The following CAMK1D variants were observed in gnomAD, a reference collection of about 807,000 sequenced individuals.
CAMK1D encodes the protein calcium/calmodulin-dependent protein kinase type 1D.
In CAMK1D, 9 loss-of-function variants were observed where a neutral mutation model predicts 47.7. The observed-to-expected ratio is 0.19, with a 90% CI of 0.11 to 0.33. CAMK1D has a LOEUF of 0.33. CAMK1D is among the 10% of genes least tolerant of loss of function. The pLI, the probability that CAMK1D is intolerant of heterozygous loss-of-function variation, is 1.00. For synonymous variants in CAMK1D, 184 were observed against 184.9 expected (o/e 0.99, Z 0.04); for missense variants, 291 against 488.7 (o/e 0.60, Z 3.81).
At chr10:12,437,837 C>T (rs1055159487) in intron 1 of CAMK1D, among the ~76,000 whole-genome samples, 1 of 152,218 alleles carries the variant, frequency 6.6e-6, no homozygotes, top group Non-Finnish European at 1.5e-5. Flanking sequence ...CTGTCTCCAA[C>T]CCCTGGCAAT....
chr10:12,734,344 AAATATAT>A (rs1835039707), intron 3 of CAMK1D, among the ~76,000 whole-genome samples: 29 of 7,020 alleles, frequency 4.1e-3, no homozygotes, highest in Admixed American at 0.015. Context: ...AAAAAAAAAA[AAATATAT>A]ATATATATAT....
intron 1 of CAMK1D, among the ~76,000 whole-genome samples, chr10:12,488,567 T>C (rs915206022): frequency 1.3e-5 from 2 of 152,176 alleles, no homozygotes; most frequent in African/African-American, 4.8e-5. Flanking sequence ...TGACATTTAT[T>C]GTGCACTTTA....
chr10:12,650,140 G>C (rs561966592), intron 2 of CAMK1D, among the ~76,000 whole-genome samples: 2 of 152,224 alleles, frequency 1.3e-5, no homozygotes. Context: ...AGGGGCTGCC[G>C]ACCACGTGAG....
At chr10:12,355,750 C>T (rs964907324) in intron 1 of CAMK1D, among the ~76,000 whole-genome samples, 10 of 152,128 alleles carry the variant, frequency 6.6e-5, no homozygotes, top group African/African-American at 2.4e-4. Flanking sequence ...AATTCAGCCT[C>T]TCATACATTT....
chr10:12,529,065 T>C (rs750652794), intron 1 of CAMK1D, among the ~76,000 whole-genome samples: 3 of 152,102 alleles, frequency 2.0e-5, no homozygotes, highest in Non-Finnish European at 4.4e-5. Context: ...CTTGAACTCC[T>C]GGGCTCAAGC....
intron 1 of CAMK1D, among the ~76,000 whole-genome samples, chr10:12,362,155 A>G (rs1320272048): frequency 6.6e-6 from 1 of 152,184 alleles, no homozygotes; most frequent in East Asian, 1.9e-4. Flanking sequence ...TAAGTACATT[A>G]CAGCATTGTC....
chr10:12,664,814 A>G (rs1007881493), intron 2 of CAMK1D, among the ~76,000 whole-genome samples: 8 of 152,142 alleles, frequency 5.3e-5, no homozygotes, highest in African/African-American at 1.7e-4. Flanking sequence ...TTCTCTGGCC[A>G]CTCTTCATAT....
chr10:12,772,588 A>G (rs1402281023), intron 5 of CAMK1D, among the ~76,000 whole-genome samples: 3 of 152,212 alleles, frequency 2.0e-5, no homozygotes, highest in African/African-American at 7.2e-5. Context: ...CTGGTTTCTA[A>G]GTGGCTGCCA....
intron 1 of CAMK1D, among the ~76,000 whole-genome samples, chr10:12,510,762 G>A (rs943588897): frequency 2.0e-5 from 3 of 152,208 alleles, no homozygotes; most frequent in Admixed American, 6.5e-5. Context: ...GGACACAAAT[G>A]TACAAGCGTG....
intron 1 of CAMK1D, among the ~76,000 whole-genome samples, chr10:12,370,700 C>G (rs11594130): frequency 0.096 from 14,544 of 152,198 alleles, 961 homozygotes; most frequent in Admixed American, 0.15. Flanking sequence ...CTTCGCCTCC[C>G]CAGGTTCAAG....
intron 1 of CAMK1D, among the ~76,000 whole-genome samples, chr10:12,423,312 G>A (rs568329709): frequency 2.0e-4 from 31 of 152,074 alleles, no homozygotes; most frequent in African/African-American, 6.0e-4. Context: ...CCAGGAGTTC[G>A]AGGACAGCCT....
chr10:12,365,846 A>C (rs1204807505), intron 1 of CAMK1D, among the ~76,000 whole-genome samples: 1 of 152,068 alleles, frequency 6.6e-6, no homozygotes, highest in Non-Finnish European at 1.5e-5. Flanking sequence ...TGAAGTCAGG[A>C]GTTCGAGACC....
intron 1 of CAMK1D, among the ~76,000 whole-genome samples, chr10:12,479,880 T>C (rs760353433): frequency 1.3e-5 from 2 of 152,210 alleles, no homozygotes; most frequent in South Asian, 2.1e-4. Flanking sequence ...CGCAGTCTGC[T>C]GCTTATTATC....
At chr10:12,588,918 C>G (rs1356831098) in intron 2 of CAMK1D, among the ~76,000 whole-genome samples, 2 of 150,608 alleles carry the variant, frequency 1.3e-5, no homozygotes, top group Non-Finnish European at 3.0e-5. Context: ...ATATAACATG[C>G]CCCTATATAT....
At chr10:12,634,789 G>A (rs1267010480) in intron 2 of CAMK1D, among the ~76,000 whole-genome samples, 1 of 152,064 alleles carries the variant, frequency 6.6e-6, no homozygotes, top group African/African-American at 2.4e-5. Context: ...CTCTGCCGCT[G>A]GGAGGCAACA....
chr10:12,563,573 C>T (rs1190021326), intron 2 of CAMK1D, among the ~76,000 whole-genome samples: 1 of 151,880 alleles, frequency 6.6e-6, no homozygotes, highest in Non-Finnish European at 1.5e-5. Flanking sequence ...TTAGGCCAGT[C>T]AAGTTGACAC....
intron 1 of CAMK1D, among the ~76,000 whole-genome samples, chr10:12,537,914 G>A (rs750236683): frequency 1.8e-4 from 28 of 152,128 alleles, no homozygotes; most frequent in Middle Eastern, 3.4e-3. Context: ...TAATCAACCT[G>A]AATTCTTCAA....
intron 1 of CAMK1D, among the ~76,000 whole-genome samples, chr10:12,380,771 G>A (rs748930506): frequency 3.9e-5 from 6 of 152,134 alleles, no homozygotes; most frequent in Non-Finnish European, 5.9e-5. Context: ...CAGGAGAATC[G>A]CTTGAACCCA....
rs569470247 is a variant in CAMK1D, at chr10:12,396,999, C to T, written c.92+47089C>T. ...ATCGCTCATCTCGACTGGGCCCTGT[C>T]GGCTGACCCAGCTCCTCCGCAGCCA... On this transcript the variant is annotated intron_variant, in intron 1 of 10. Transcript: ENST00000619168. 5.3e-5 allele frequency among the ~76,000 whole-genome samples: 8 copies of T among 152,314 alleles called. No individual in the cohort carries two copies. In the South Asian group the frequency reaches 1.2e-3, roughly 24 times the overall value.
Sources: allele counts gnomAD v4.1 joint callset (sites outside exome capture counted in the v4.1 genomes callset), GRCh38; gene constraint gnomAD v4.1.1; transcripts MANE v1.5; gene names NCBI Gene and HGNC (gene_info 2026-07-23, HGNC 2026-07-21).